ZFPM2: variants seen among roughly 807,000 people sequenced by gnomAD.
ZFPM2 encodes zinc finger protein ZFPM2.
A neutral mutation model predicts 98.6 loss-of-function variants in ZFPM2; 20 were observed. The ratio of observed to expected loss-of-function variants is 0.20; its 90% CI spans 0.14 to 0.29. The LOEUF is 0.29. Ranked by LOEUF, ZFPM2 falls within the 10% of genes least tolerant of loss-of-function variation. The probability of loss-of-function intolerance (pLI) is 1.00; values close to 1 mark genes in which losing one functional copy is unlikely to be tolerated. For missense variants in ZFPM2, 1,310 were observed against 1,388.6 expected (o/e 0.94, Z 0.90); for synonymous variants, 518 against 502.7 (o/e 1.03, Z -0.41).
At chr8:105,370,404 A>T (rs1264163286) in intron 1 of ZFPM2, among the ~76,000 whole-genome samples, 1 of 152,332 alleles carries the variant, frequency 6.6e-6, no homozygotes, top group Admixed American at 6.5e-5. Flanking sequence ...ATTTCAGCCT[A>T]GAAGTGTTTA....
chr8:105,567,333 G>C (rs1436346276), intron 4 of ZFPM2, among the ~76,000 whole-genome samples: 1 of 152,182 alleles, frequency 6.6e-6, no homozygotes, highest in African/African-American at 2.4e-5. Context: ...AGCTGGAAGT[G>C]CTGGAGATTT....
intron 1 of ZFPM2, among the ~76,000 whole-genome samples, chr8:105,351,693 G>A (rs1812649593): frequency 6.6e-6 from 1 of 151,890 alleles, no homozygotes. Flanking sequence ...CTGATTAAAA[G>A]TGTAAATGAT....
chr8:105,581,205 T>A (rs1388430568), intron 4 of ZFPM2, among the ~76,000 whole-genome samples: 1 of 152,158 alleles, frequency 6.6e-6, no homozygotes, highest in African/African-American at 2.4e-5. Context: ...AAAGGCATCC[T>A]AAAGTCATCT....
chr8:105,503,065 G>A (rs370034681), intron 3 of ZFPM2, among the ~76,000 whole-genome samples: 6 of 152,094 alleles, frequency 3.9e-5, no homozygotes, highest in East Asian at 3.9e-4. Flanking sequence ...GGTGTCTTAC[G>A]GGCACATCTA....
chr8:105,405,305 G>C (rs1811424105), intron 1 of ZFPM2, among the ~76,000 whole-genome samples: 1 of 151,818 alleles, frequency 6.6e-6, no homozygotes. Context: ...TATACTTTAA[G>C]TTTTAGGGTA....
intron 3 of ZFPM2, among the ~76,000 whole-genome samples, chr8:105,505,323 A>G (rs1435858464): frequency 6.6e-6 from 1 of 152,166 alleles, no homozygotes; most frequent in African/African-American, 2.4e-5. Flanking sequence ...TTGTTACTGT[A>G]AAAAGACCAG....
At chr8:105,457,804 G>A (rs1812621156) in intron 3 of ZFPM2, among the ~76,000 whole-genome samples, 1 of 152,118 alleles carries the variant, frequency 6.6e-6, no homozygotes, top group African/African-American at 2.4e-5. Context: ...TACCTGGAAG[G>A]CACTGTCCTC....
intron 3 of ZFPM2, among the ~76,000 whole-genome samples, chr8:105,471,534 A>G (rs1305585318): frequency 6.6e-6 from 1 of 152,178 alleles, no homozygotes; most frequent in Non-Finnish European, 1.5e-5. Context: ...TATTGGCAGG[A>G]TTAACCTGGT....
intron 3 of ZFPM2, among the ~76,000 whole-genome samples, chr8:105,499,175 A>G (rs1207075533): frequency 6.6e-6 from 1 of 151,846 alleles, no homozygotes; most frequent in Non-Finnish European, 1.5e-5. Context: ...CTGCACAGGT[A>G]GGTACCACCT....
intron 3 of ZFPM2, among the ~76,000 whole-genome samples, chr8:105,499,261 A>G (rs1349274841): frequency 6.6e-6 from 1 of 152,108 alleles, no homozygotes; most frequent in African/African-American, 2.4e-5. Context: ...AGAAAAAAAA[A>G]AAAAGGGTGG....
intron 6 of ZFPM2, among the ~76,000 whole-genome samples, chr8:105,791,720 T>G (rs1418339451): frequency 3.3e-5 from 5 of 152,242 alleles, no homozygotes; most frequent in Non-Finnish European, 7.3e-5. Flanking sequence ...CATCTGGTCC[T>G]GGACTCTTTT....
chr8:105,345,797 A>G (rs1812512331), intron 1 of ZFPM2, among the ~76,000 whole-genome samples: 1 of 152,156 alleles, frequency 6.6e-6, no homozygotes, highest in Non-Finnish European at 1.5e-5. Flanking sequence ...ATATTTAAGC[A>G]CATAGACCTG....
chr8:105,613,463 T>C (rs1372081025), intron 4 of ZFPM2, among the ~76,000 whole-genome samples: 1 of 152,026 alleles, frequency 6.6e-6, no homozygotes, highest in Non-Finnish European at 1.5e-5. Context: ...ATAACAAATG[T>C]GGTAAAAAAA....
intron 5 of ZFPM2, among the ~76,000 whole-genome samples, chr8:105,688,837 A>T (rs573330969): frequency 6.6e-6 from 1 of 152,268 alleles, no homozygotes; most frequent in African/African-American, 2.4e-5. Context: ...ATTGTCTATT[A>T]TGTACATAGT....
chr8:105,558,626 A>G (rs1563718842), intron 3 of ZFPM2, among the ~76,000 whole-genome samples: 1 of 152,172 alleles, frequency 6.6e-6, no homozygotes, highest in African/African-American at 2.4e-5. Flanking sequence ...ATCCACAGGT[A>G]TAGATAAGGA....
Position 105,650,023 on chromosome 8 carries a change from G to A in ZFPM2, c.532+15666G>A, listed in dbSNP as rs559611923. Among the ~76,000 whole-genome samples the A allele has an allele frequency of 8.5e-5, 13 of 152,076 alleles. No homozygotes were observed. The South Asian group carries it at 2.5e-3, about 29-fold the overall frequency. ...ATCCATCTGGTCCTGGACTTTTTTTGGTTGGTAGGCTATTAATTATTGCCT... is the reference window on the plus strand; with the variant it reads ...ATCCATCTGGTCCTGGACTTTTTTTAGTTGGTAGGCTATTAATTATTGCCT... On this transcript the variant is annotated intron_variant, in intron 5 of 7. Transcript: ENST00000407775.
chr8:105,462,641 A>G (rs1812723529), intron 3 of ZFPM2, among the ~76,000 whole-genome samples: 1 of 152,128 alleles, frequency 6.6e-6, no homozygotes, highest in Non-Finnish European at 1.5e-5. Context: ...TTTATATTAT[A>G]TGAGTGAATT....
chr8:105,684,680 A>G (rs1226539177), intron 5 of ZFPM2, among the ~76,000 whole-genome samples: 1 of 152,086 alleles, frequency 6.6e-6, no homozygotes, highest in Non-Finnish European at 1.5e-5. Context: ...TATGATTTTT[A>G]CAGTTAGAGG....
At chr8:105,423,934 G>C (rs1324025734) in intron 2 of ZFPM2, among the ~76,000 whole-genome samples, 1 of 152,084 alleles carries the variant, frequency 6.6e-6, no homozygotes. Flanking sequence ...CAAAATATGT[G>C]AACAGGAAGA....
Sources: allele counts gnomAD v4.1 joint callset (sites outside exome capture counted in the v4.1 genomes callset), GRCh38; gene constraint gnomAD v4.1.1; transcripts MANE v1.5; gene names NCBI Gene and HGNC (gene_info 2026-07-23, HGNC 2026-07-21).